PDXK: variants seen among roughly 807,000 people sequenced by gnomAD.
PDXK encodes pyridoxal kinase, also known as epididymis secretory sperm binding protein Li 1a.
PDXK carries 15 observed loss-of-function variants against 43.2 expected under a neutral mutation model. The ratio of observed to expected loss-of-function variants is 0.35; its 90% confidence interval spans 0.23 to 0.53. The LOEUF is 0.53. Ranked by LOEUF, PDXK falls within the 20% of genes least tolerant of loss-of-function variation. The probability of loss-of-function intolerance (pLI) is 0.92; values close to 1 mark genes in which losing one functional copy is unlikely to be tolerated. For missense variants in PDXK, 343 were observed against 417.0 expected (o/e 0.82, Z 1.54); for synonymous variants, 172 against 165.4 (o/e 1.04, Z -0.31).
In PDXK at chr21:43,752,489, G is replaced by A. The variant is rs187777467; in HGVS notation, c.511-29G>A. 1,026 of 1,482,808 alleles carry A rather than the reference G, an allele frequency of 6.9e-4. 7 individuals carry two copies. The African/African-American group carries it at 0.011, about 16-fold the overall frequency. The allele number at this position is 1,482,808 out of a possible 1,614,324, so 91.9% of individuals were successfully genotyped here. A position where few individuals can be genotyped will look rare whatever the true frequency, so the allele number is the denominator to read the frequency against. ...AGCCGTGGCTGACATGTGACCGGCC[G>A]TGGCTGACGCTCCCTGTGCCACTGC... On this transcript the variant is annotated intron_variant, in intron 7 of 10. Transcript: ENST00000291565.
intron 1 of PDXK, among the ~76,000 whole-genome samples, chr21:43,722,417 C>T (rs949868882): frequency 2.0e-5 from 3 of 152,228 alleles, no homozygotes; most frequent in Non-Finnish European, 4.4e-5. Flanking sequence ...TGCTCTATTG[C>T]TTCCGTAACC....
chr21:43,749,894 C>A (rs757049965), intron 6 of PDXK, among the ~76,000 whole-genome samples: 1 of 152,218 alleles, frequency 6.6e-6, no homozygotes, highest in Admixed American at 6.5e-5. Flanking sequence ...ATGGCTCCCC[C>A]CAGCTGAAGA....
chr21:43,728,728 G>A (rs2083279537), intron 1 of PDXK: 2 of 985,574 alleles, frequency 2.0e-6, no homozygotes, highest in Non-Finnish European at 2.4e-6. Context: ...ACCACCGGCC[G>A]AGGGAGGAGG....
chr21:43,730,032 T>C (rs1568974585), intron 1 of PDXK, among the ~76,000 whole-genome samples: 1 of 151,652 alleles, frequency 6.6e-6, no homozygotes, highest in Non-Finnish European at 1.5e-5. Context: ...AGAAGGGGGA[T>C]GAGGTGATAG....
chr21:43,755,549 G>A, intron 9 of PDXK, 149 bp from the exon 10 acceptor site: 1 of 719,396 alleles, frequency 1.4e-6, no homozygotes, highest in Non-Finnish European at 2.5e-6. Context: ...GTCCTCCAGG[G>A]TTCAGCACGT....
chr21:43,755,683 C>G lies in PDXK; in HGVS notation c.760-15C>G, dbSNP rs1475776009. The G allele has an allele frequency of 1.2e-6, 2 of 1,608,306 alleles. No homozygotes were observed. Among genetic ancestry groups the G allele is most frequent in the East Asian group, 2.2e-5 (1 of 44,878 alleles). ...TGAGTGGGCCAGGGGCACAGCAAGTCTGTCCTCCCTGCAGGTGGCCTGTGA... is the reference window on the plus strand; with the variant it reads ...TGAGTGGGCCAGGGGCACAGCAAGTGTGTCCTCCCTGCAGGTGGCCTGTGA... On this transcript the variant is annotated splice_polypyrimidine_tract_variant and intron_variant, in intron 9 of 10. Transcript: ENST00000291565.
chr21:43,723,359 C>G lies in PDXK; in HGVS notation c.87+3978C>G, dbSNP rs1289631470. ...TCTGTTTAGTAGAGATGGGGTTTCA[C>G]TATGTTGGCCAGGCTGGTCTTGAGC... On this transcript the variant is annotated intron_variant, in intron 1 of 10. Transcript: ENST00000291565. This position sits in a 1 kb window ranked among gnomAD's most constrained non-coding sequence, Gnocchi z 4.1. 1 of 152,112 alleles carries G rather than the reference C, an allele frequency of 6.6e-6. No individual in the cohort carries two copies. The highest frequency in any genetic ancestry group is 1.5e-5 in the Non-Finnish European group (1 of 68,052). The allele number at this position is 152,112 out of a possible 1,614,324, so 9.4% of individuals were successfully genotyped here. A position where few individuals can be genotyped will look rare whatever the true frequency, so the allele number is the denominator to read the frequency against.
chr21:43,743,793 C>G lies in PDXK; in HGVS notation c.317C>G (p.Pro106Arg). 1 of 1,613,108 alleles carries G rather than the reference C, an allele frequency of 6.2e-7. No individual in the cohort carries two copies. The highest frequency in any genetic ancestry group is 8.5e-7 in the Non-Finnish European group (1 of 1,179,272). ...DIVQELKQQN[P>R]RLVYVCDPVL... The stretch of plus-strand genomic sequence containing the variant: ...GTGCAGGAGCTGAAGCAGCAGAACC[C>G]CAGGCTGGTGTACGGTAGGCAGGGG... Residue 106 changes from proline (P) to arginine (R), a missense_variant, in exon 4 of 11, where the codon CCC (proline) becomes CGC (arginine). Coordinates refer to ENST00000291565, the MANE Select transcript of PDXK (RefSeq NM_003681.5).
chr21:43,755,775 C>CGGGCTGCAT lies in PDXK; in HGVS notation c.826+19_826+27dup. 1 of 1,611,970 alleles carries CGGGCTGCAT rather than the reference C, an allele frequency of 6.2e-7. No homozygotes were observed. Among genetic ancestry groups the CGGGCTGCAT allele is most frequent in the Non-Finnish European group, 8.5e-7 (1 of 1,178,272 alleles). On this transcript the variant is annotated intron_variant, in intron 10 of 10. Transcript: ENST00000291565. Reference sequence around the variant, plus strand: ...TCCAGTGTGCAAAAGGTACGGCGGCCGGGCTGCATGGGCTGCGTGGGCTCC... The same window carrying CGGGCTGCAT: ...TCCAGTGTGCAAAAGGTACGGCGGCCGGGCTGCATGGGCTGCATGGGCTGCGTGGGCTCC...
At chr21:43,745,157 C>T (rs1047529816) in intron 4 of PDXK, among the ~76,000 whole-genome samples, 7 of 152,174 alleles carry the variant, frequency 4.6e-5, no homozygotes, top group Admixed American at 6.5e-5. Flanking sequence ...TGGTGGCTCA[C>T]GCCTGGAATC....
intron 1 of PDXK, among the ~76,000 whole-genome samples, chr21:43,726,012 TTCTCTCTC>T (rs60147387): frequency 3.8e-4 from 56 of 147,844 alleles, no homozygotes; most frequent in Middle Eastern, 3.4e-3. Context: ...CTAGCTGGGA[TTCTCTCTC>T]TCTCTCTCTC....
At position 43,761,554 on chromosome 21, in the gene PDXK, C is replaced by A; in HGVS notation, c.*5491C>A. ...GTAAAACTATGGACCTCGCCTCGCC[C>A]ACCGGCCTGCGAAGCCAGCATCTCC... is the stretch of plus-strand genomic sequence containing the variant. On this transcript the variant is annotated 3_prime_UTR_variant, in exon 11 of 11. Transcript: ENST00000291565. 6.5e-6 allele frequency: 1 copy of A among 154,124 alleles called. No homozygotes were observed. The allele number at this position is 154,124 out of a possible 1,614,324, so 9.5% of individuals were successfully genotyped here. A position where few individuals can be genotyped will look rare whatever the true frequency, so the allele number is the denominator to read the frequency against.
chr21:43,736,931 GTCTTT>G, intron 2 of PDXK: 1 of 700,870 alleles, frequency 1.4e-6, no homozygotes, highest in East Asian at 2.7e-5. Flanking sequence ...TCCACGCCCA[GTCTTT>G]TCTTTTTTCT....
At chr21:43,719,588 C>G in intron 1 of PDXK, 1 of 984,470 alleles carries the variant, frequency 1.0e-6, no homozygotes. Context: ...TCTGCGGGCC[C>G]CTGCGGGTGG....
At position 43,750,575 on chromosome 21, in the gene PDXK, G is replaced by A. The variant is rs745857139; in HGVS notation, c.510+30G>A. ...GGAGGCCCTCTGGGGCCTGTGCGGG[G>A]CACATGTGCCGCTCACGGTGGGGAC... is the stretch of plus-strand genomic sequence containing the variant. On this transcript the variant is annotated intron_variant, in intron 7 of 10. Coordinates refer to ENST00000291565, the MANE Select transcript of PDXK (RefSeq NM_003681.5). The A allele has an allele frequency of 3.8e-6, 6 of 1,588,482 alleles. No homozygotes were observed. In the African/African-American group the frequency reaches 5.4e-5, roughly 14 times the overall value.
Position 43,737,781 on chromosome 21 carries a change from G to T in PDXK, c.142+3658G>T. Reference sequence around the variant, plus strand: ...CAGACTCCCTGGCCGGCTGGGATCTGACAGGAGTGCCAGGCTCCTTGGGCC... The same window carrying T: ...CAGACTCCCTGGCCGGCTGGGATCTTACAGGAGTGCCAGGCTCCTTGGGCC... On this transcript the variant is annotated intron_variant, in intron 2 of 10. Transcript: ENST00000291565. This position sits in a 1 kb window ranked among gnomAD's most constrained non-coding sequence, Gnocchi z 4.8. The T allele has an allele frequency of 8.1e-6, 8 of 985,492 alleles. No individual in the cohort carries two copies. Among genetic ancestry groups the T allele is most frequent in the Non-Finnish European group, 9.6e-6 (8 of 829,948 alleles). 61.0% of individuals were successfully genotyped at this position (985,492 alleles called of 1,614,324 possible).
chr21:43,745,288 C>T (rs148824540), intron 4 of PDXK, among the ~76,000 whole-genome samples: 2 of 152,162 alleles, frequency 1.3e-5, no homozygotes, highest in South Asian at 2.1e-4. Flanking sequence ...GGCCTGGTGG[C>T]GCACACCTCT....
In PDXK at chr21:43,734,172, G is replaced by A. The variant is rs1190368155; in HGVS notation, c.142+49G>A. 6.6e-7 allele frequency: 1 copy of A among 1,522,912 alleles called. No homozygotes were observed. Among genetic ancestry groups the A allele is most frequent in the Non-Finnish European group, 9.0e-7 (1 of 1,115,598 alleles). The allele number at this position is 1,522,912 out of a possible 1,614,324, so 94.3% of individuals were successfully genotyped here. A position where few individuals can be genotyped will look rare whatever the true frequency, so the allele number is the denominator to read the frequency against. ...GGCATAGAGCAGACTGTGGGTGTGA[G>A]GGACGGGGCGGAGTGTGGGTGTGAG... On this transcript the variant is annotated intron_variant, in intron 2 of 10. Transcript: ENST00000291565. The surrounding 1 kb of genome is among the most constrained non-coding windows in gnomAD (Gnocchi z 5.0).
At chr21:43,739,580 AG>A (rs2083459219) in intron 2 of PDXK, among the ~76,000 whole-genome samples, 1 of 148,240 alleles carries the variant, frequency 6.7e-6, no homozygotes, top group Non-Finnish European at 1.5e-5. Context: ...GTGCAGACTG[AG>A]GGGCCCAGGG....
Sources: allele counts gnomAD v4.1 joint callset (sites outside exome capture counted in the v4.1 genomes callset), GRCh38; gene constraint gnomAD v4.1.1; non-coding constraint Gnocchi (gnomAD v3.1); transcripts MANE v1.5; gene names NCBI Gene and HGNC (gene_info 2026-07-23, HGNC 2026-07-21).